COL25A1: variants seen among roughly 807,000 people sequenced by gnomAD.
COL25A1 encodes collagen type XXV alpha 1 chain.
In COL25A1, 103 loss-of-function variants were observed where a neutral mutation model predicts 128.4. That is an observed-to-expected ratio of 0.80 (90% CI 0.68 to 0.94). COL25A1 has a LOEUF of 0.94. Among genes scored for constraint, COL25A1 ranks in the 40% least tolerant of loss-of-function variants. The pLI, the probability that COL25A1 is intolerant of heterozygous loss-of-function variation, is 0.00. For missense variants in COL25A1, 745 were observed against 840.0 expected (o/e 0.89, Z 1.40); for synonymous variants, 279 against 277.2 (o/e 1.01, Z -0.06).
chr4:108,922,684 T>G lies in COL25A1; in HGVS notation c.709-2080A>C, dbSNP rs750342530. 4.2e-4 allele frequency among the ~76,000 whole-genome samples: 64 copies of G among 152,238 alleles called. 1 individual carries two copies. The highest frequency in any genetic ancestry group is 7.9e-4 in the Non-Finnish European group (54 of 68,032). The stretch of plus-strand genomic sequence containing the variant: ...GAAATTCATAAAATTAAATAAGTTG[T>G]ATATTTTAACACAATATTTAATGAA... On this transcript the variant is annotated intron_variant, in intron 11 of 37. Transcript: ENST00000399132.
intron 3 of COL25A1, among the ~76,000 whole-genome samples, chr4:109,121,736 T>G (rs1768126580): frequency 6.6e-6 from 1 of 152,098 alleles, no homozygotes; most frequent in African/African-American, 2.4e-5. Context: ...AAATGAAACA[T>G]ACTCTTACCA....
Position 108,813,795 on chromosome 4 carries a change from T to C in COL25A1, c.*132A>G. Reference sequence around the variant, plus strand: ...GTGGAGTAAAAATGGACATGTATACTACTGCCAGCAGGAAGAAGCAGCCCT... The same window carrying C: ...GTGGAGTAAAAATGGACATGTATACCACTGCCAGCAGGAAGAAGCAGCCCT... On this transcript the variant is annotated 3_prime_UTR_variant, in exon 38 of 38. Transcript: ENST00000399132. 1.4e-6 allele frequency: 1 copy of C among 712,100 alleles called. No homozygotes were observed. The highest frequency in any genetic ancestry group is 2.5e-5 in the East Asian group (1 of 39,282). 44.1% of individuals were successfully genotyped at this position (712,100 alleles called of 1,614,324 possible).
chr4:109,139,325 A>G (rs1048822164), intron 3 of COL25A1, among the ~76,000 whole-genome samples: 2 of 152,092 alleles, frequency 1.3e-5, no homozygotes, highest in African/African-American at 4.8e-5. Flanking sequence ...GAAGCTCTTT[A>G]GTTTAATTAG....
intron 3 of COL25A1, among the ~76,000 whole-genome samples, chr4:109,087,402 C>T (rs988848995): frequency 3.3e-5 from 5 of 152,178 alleles, no homozygotes; most frequent in African/African-American, 1.2e-4. Flanking sequence ...CTGCGCCACA[C>T]CTAGATGACA....
chr4:109,218,365 T>TTTGTTTGTTTGTTTG (rs996834731), intron 3 of COL25A1, among the ~76,000 whole-genome samples: 3 of 128,642 alleles, frequency 2.3e-5, no homozygotes, highest in African/African-American at 1.0e-4. Context: ...GGGTTTTTTT[T>TTTGTTTGTTTGTTTG]TTTTTTTTTT....
chr4:109,111,159 A>G (rs2126038583), intron 3 of COL25A1, among the ~76,000 whole-genome samples: 1 of 152,170 alleles, frequency 6.6e-6, no homozygotes. Context: ...TTGATGTACT[A>G]TGTGGTGTTT....
intron 3 of COL25A1, among the ~76,000 whole-genome samples, chr4:109,236,319 T>G (rs926936178): frequency 2.6e-5 from 4 of 152,088 alleles, no homozygotes; most frequent in Non-Finnish European, 5.9e-5. Context: ...AAGGAAGATA[T>G]AAGAAACCAA....
intron 6 of COL25A1, among the ~76,000 whole-genome samples, chr4:109,008,754 C>T (rs887305542): frequency 4.8e-5 from 2 of 41,892 alleles, no homozygotes; most frequent in South Asian, 7.3e-4. Context: ...TACATGCGCG[C>T]GCACACACAC....
chr4:109,275,154 C>T (rs572896807), intron 3 of COL25A1, among the ~76,000 whole-genome samples: 4 of 152,268 alleles, frequency 2.6e-5, no homozygotes, highest in African/African-American at 4.8e-5. Context: ...AATGTCCCCC[C>T]GCTGGGTCTA....
intron 3 of COL25A1, among the ~76,000 whole-genome samples, chr4:109,186,691 A>C (rs1775165870): frequency 1.3e-5 from 2 of 152,246 alleles, no homozygotes; most frequent in African/African-American, 4.8e-5. Flanking sequence ...AGAGACAATA[A>C]AATGTAGATT....
At chr4:109,175,640 A>G (rs1450359222) in intron 3 of COL25A1, among the ~76,000 whole-genome samples, 1 of 152,216 alleles carries the variant, frequency 6.6e-6, no homozygotes, top group African/African-American at 2.4e-5. Context: ...CATCTTTCCC[A>G]AAAATTTAAT....
intron 3 of COL25A1, among the ~76,000 whole-genome samples, chr4:109,135,653 T>C (rs908893851): frequency 1.3e-5 from 2 of 151,730 alleles, no homozygotes; most frequent in African/African-American, 2.4e-5. Context: ...ATGGAGCTTT[T>C]TTTTTCTTAA....
At chr4:109,187,200 TAC>T (rs36159924) in intron 3 of COL25A1, among the ~76,000 whole-genome samples, 85,911 of 147,470 alleles carry the variant, frequency 0.58, 25,002 homozygotes, top group Non-Finnish European at 0.64. Context: ...TCTTGCTCTC[TAC>T]ACACACACAC....
chr4:109,029,008 G>C (rs182002268), intron 5 of COL25A1, among the ~76,000 whole-genome samples: 5 of 152,288 alleles, frequency 3.3e-5, no homozygotes, highest in Admixed American at 2.0e-4. Context: ...TTAGATTAGA[G>C]AGAGAGTGGG....
intron 10 of COL25A1, among the ~76,000 whole-genome samples, chr4:108,938,438 T>C (rs528952362): frequency 3.4e-4 from 52 of 152,302 alleles, no homozygotes; most frequent in African/African-American, 1.2e-3. Flanking sequence ...TCTAGCAAGG[T>C]ATGATGACAC....
chr4:109,282,508 G>A (rs1327121386), intron 3 of COL25A1, among the ~76,000 whole-genome samples: 1 of 152,188 alleles, frequency 6.6e-6, no homozygotes, highest in Non-Finnish European at 1.5e-5. Flanking sequence ...TTGTGGCACA[G>A]TGGAAAAATG....
At chr4:109,212,670 C>T (rs1288964493) in intron 3 of COL25A1, among the ~76,000 whole-genome samples, 1 of 151,974 alleles carries the variant, frequency 6.6e-6, no homozygotes, top group Non-Finnish European at 1.5e-5. Flanking sequence ...AGTGGAAAGC[C>T]AAGGAAGGGG....
intron 3 of COL25A1, among the ~76,000 whole-genome samples, chr4:109,268,715 A>G (rs4256292): frequency 0.26 from 39,551 of 152,100 alleles, 5,519 homozygotes; most frequent in Middle Eastern, 0.3. Flanking sequence ...TCCACTGCTC[A>G]AAGGAAACAA....
chr4:109,013,655 G>GAAGGAATGAACAACTCTGAACA (rs1561026086), intron 5 of COL25A1, among the ~76,000 whole-genome samples: 1 of 151,556 alleles, frequency 6.6e-6, no homozygotes, highest in African/African-American at 2.4e-5. Context: ...AACTCTGAAC[G>GAAGGAATGAACAACTCTGAACA]GAAGGAATGA....
Sources: allele counts gnomAD v4.1 joint callset (sites outside exome capture counted in the v4.1 genomes callset), GRCh38; gene constraint gnomAD v4.1.1; transcripts MANE v1.5; gene names NCBI Gene and HGNC (gene_info 2026-07-23, HGNC 2026-07-21).